Variants in CACNA1A observed in about 807,000 individuals in gnomAD.
The protein encoded by CACNA1A is calcium voltage-gated channel subunit alpha1 A.
In CACNA1A, 57 loss-of-function variants were observed where a neutral mutation model predicts 262.4. The observed-to-expected ratio is 0.22, with a 90% CI of 0.18 to 0.27. The LOEUF (loss-of-function observed/expected upper bound fraction) is 0.27, where lower values mean the gene tolerates loss of function less well. CACNA1A is among the 10% of genes least tolerant of loss of function. The pLI, the probability that CACNA1A is intolerant of heterozygous loss-of-function variation, is 1.00. For missense variants in CACNA1A, 2,526 were observed against 3,562.8 expected (o/e 0.71, Z 7.41); for synonymous variants, 1,431 against 1,419.3 (o/e 1.01, Z -0.18).
rs1329538997 is a variant in CACNA1A, at chr19:13,207,799, C to T, written c.7035G>A (p.Thr2345=). 5 of 1,421,532 alleles carry T rather than the reference C, an allele frequency of 3.5e-6. No homozygotes were observed. The East Asian group carries it at 9.0e-5, about 25-fold the overall frequency. 88.1% of individuals were successfully genotyped at this position (1,421,532 alleles called of 1,614,324 possible). A position where few individuals can be genotyped will look rare whatever the true frequency, so the allele number is the denominator to read the frequency against. Residue 2345 remains threonine, a synonymous_variant, in exon 47 of 47, where the codon ACG becomes ACA. Coordinates refer to ENST00000360228, the MANE Select transcript of CACNA1A (RefSeq NM_001127222.2). This position sits in a 1 kb window ranked among gnomAD's most constrained non-coding sequence, Gnocchi z 5.7. Reference sequence around the variant, plus strand: ...GCCGATCTCCGGCCAGAGGCTCGGCCGTGGGGCCTGGGTACCTCCGAGGGC... The same window carrying T: ...GCCGATCTCCGGCCAGAGGCTCGGCTGTGGGGCCTGGGTACCTCCGAGGGC... ...TSGPRRYPGP[T]AEPLAGDRPP... is the part of the protein sequence containing the mutation.
chr19:13,352,428 G>A (rs1438645559), intron 6 of CACNA1A, among the ~76,000 whole-genome samples: 1 of 148,258 alleles, frequency 6.7e-6, no homozygotes, highest in African/African-American at 2.5e-5. Context: ...AAAGTAAACT[G>A]TGATCATCAT....
intron 3 of CACNA1A, among the ~76,000 whole-genome samples, chr19:13,411,896 G>A (rs1427738749): frequency 6.6e-6 from 1 of 151,702 alleles, no homozygotes; most frequent in Non-Finnish European, 1.5e-5. Flanking sequence ...ATTTTTTTTT[G>A]TAGAGACAGG....
chr19:13,448,590 C>A (rs1162411885), intron 3 of CACNA1A, among the ~76,000 whole-genome samples: 1 of 152,204 alleles, frequency 6.6e-6, no homozygotes, highest in South Asian at 2.1e-4. Flanking sequence ...CAGAAGCCAG[C>A]CCCCAGGGAG....
At chr19:13,398,822 A>G (rs2059851933) in intron 3 of CACNA1A, among the ~76,000 whole-genome samples, 1 of 152,258 alleles carries the variant, frequency 6.6e-6, no homozygotes, top group African/African-American at 2.4e-5. Flanking sequence ...CTCAGGAAGT[A>G]GCGGTCATGA....
intron 8 of CACNA1A, 33 bp from the exon 9 acceptor site, chr19:13,332,958 CA>C: frequency 6.4e-7 from 1 of 1,553,664 alleles, no homozygotes; most frequent in Non-Finnish European, 8.9e-7. Flanking sequence ...TAAGCTCCTG[CA>C]TTTGGAGGAT....
At chr19:13,222,392 G>T (rs1004261374) in intron 38 of CACNA1A, among the ~76,000 whole-genome samples, 80 of 118,026 alleles carry the variant, frequency 6.8e-4, no homozygotes, top group African/African-American at 2.6e-3. Flanking sequence ...CAGCCTTCTC[G>T]GCTTTTTTTT....
chr19:13,250,853 T>C (rs926241788), intron 30 of CACNA1A, among the ~76,000 whole-genome samples: 2 of 152,180 alleles, frequency 1.3e-5, no homozygotes, highest in African/African-American at 4.8e-5. Flanking sequence ...TTTTTAAGGC[T>C]AGGCACAGTG....
At chr19:13,429,967 G>C (rs913025484) in intron 3 of CACNA1A, among the ~76,000 whole-genome samples, 3 of 129,918 alleles carry the variant, frequency 2.3e-5, no homozygotes, top group African/African-American at 8.6e-5. Flanking sequence ...CTGGGGGAGT[G>C]GGGAGTGTGG....
At chr19:13,455,318 T>C (rs2144948023) in intron 1 of CACNA1A, 106 bp from the exon 2 acceptor site, 1 of 663,286 alleles carries the variant, frequency 1.5e-6, no homozygotes, top group Non-Finnish European at 2.8e-6. Flanking sequence ...TCTAGATCCT[T>C]CCAACTCATC....
chr19:13,434,718 C>T (rs2060580377), intron 3 of CACNA1A, among the ~76,000 whole-genome samples: 1 of 152,070 alleles, frequency 6.6e-6, no homozygotes, highest in South Asian at 2.1e-4. Flanking sequence ...TTCTGTAGAG[C>T]CTGCAGAATC....
At chr19:13,442,094 C>T (rs1418516466) in intron 3 of CACNA1A, among the ~76,000 whole-genome samples, 1 of 152,140 alleles carries the variant, frequency 6.6e-6, no homozygotes, top group Admixed American at 6.6e-5. Context: ...CTGTAACCCG[C>T]TAAGCTTCCA....
chr19:13,325,863 A>T (rs1207156999), intron 10 of CACNA1A, among the ~76,000 whole-genome samples: 1 of 152,222 alleles, frequency 6.6e-6, no homozygotes, highest in Admixed American at 6.5e-5. Context: ...TGAGCTAGTT[A>T]ACATATGCAT....
At chr19:13,359,461 GC>G in intron 6 of CACNA1A, 144 bp downstream of exon 6, 1 of 620,554 alleles carries the variant, frequency 1.6e-6, no homozygotes, top group Non-Finnish European at 2.9e-6. Context: ...TGAGCCTCAG[GC>G]CAGCTTCAGT....
chr19:13,331,846 G>C (rs2145121971), intron 9 of CACNA1A, among the ~76,000 whole-genome samples: 1 of 152,052 alleles, frequency 6.6e-6, no homozygotes, highest in East Asian at 1.9e-4. Flanking sequence ...TTTTTGTAGA[G>C]ACGGAACCTC....
chr19:13,383,601 A>G (rs1174926288), intron 3 of CACNA1A, among the ~76,000 whole-genome samples: 1 of 152,148 alleles, frequency 6.6e-6, no homozygotes, highest in Non-Finnish European at 1.5e-5. Flanking sequence ...TTCTGCCAGC[A>G]GGAAAAGCTC....
rs181066925 is a variant in CACNA1A at position 13,336,073 on chromosome 19, C to T, written c.979-164G>A. 2.3e-3 allele frequency among the ~76,000 whole-genome samples: 354 copies of T among 152,202 alleles called. 1 individual carries two copies. Among genetic ancestry groups the T allele is most frequent in the African/African-American group, 8.3e-3 (343 of 41,518 alleles). On this transcript the variant is annotated intron_variant, in intron 6 of 46. Transcript: ENST00000360228. ...CATCCCAGAGGGGGAAATGGAGGAA[C>T]GTTTTCTGAAGAAAACATCCAAAGG...
chr19:13,300,725 T>G, intron 17 of CACNA1A, 69 bp from the exon 18 acceptor site: 1 of 1,249,808 alleles, frequency 8.0e-7, no homozygotes, highest in Non-Finnish European at 1.2e-6. Context: ...TCTGACCCTG[T>G]TGCTGACCAG....
At chr19:13,371,837 G>A (rs1599308561) in intron 3 of CACNA1A, 58 bp from the exon 4 acceptor site, 1 of 1,259,538 alleles carries the variant, frequency 7.9e-7, no homozygotes, top group East Asian at 2.5e-5. Context: ...TCAGACAGCA[G>A]GGCGGGGGTG....
At chr19:13,411,498 T>C (rs2060108392) in intron 3 of CACNA1A, among the ~76,000 whole-genome samples, 1 of 152,162 alleles carries the variant, frequency 6.6e-6, no homozygotes, top group South Asian at 2.1e-4. Context: ...ATGCCTTTAC[T>C]TCTCCTTTGC....
Sources: allele counts gnomAD v4.1 joint callset (sites outside exome capture counted in the v4.1 genomes callset), GRCh38; gene constraint gnomAD v4.1.1; non-coding constraint Gnocchi (gnomAD v3.1); transcripts MANE v1.5; gene names NCBI Gene and HGNC (gene_info 2026-07-23, HGNC 2026-07-21).